GPR158: variants seen among roughly 807,000 people sequenced by gnomAD.
GPR158 encodes the protein G protein-coupled receptor 158, also known as metabotropic glycine receptor.
Under a neutral mutation model 78.2 loss-of-function variants are expected in GPR158, and 30 were observed. That is an observed-to-expected ratio of 0.38 (90% confidence interval 0.29 to 0.52). GPR158 has a LOEUF of 0.52. GPR158 is among the 20% of genes least tolerant of loss of function. The pLI, the probability that GPR158 is intolerant of heterozygous loss-of-function variation, is 0.83. For synonymous variants in GPR158, 581 were observed against 591.1 expected, an observed-to-expected ratio of 0.98 and a Z score of 0.25; for missense variants, 1,463 against 1,523.5, an observed-to-expected ratio of 0.96 and a Z score of 0.66.
chr10:25,404,473 G>A (rs1177481423), intron 3 of GPR158, among the ~76,000 whole-genome samples: 1 of 151,954 alleles, frequency 6.6e-6, no homozygotes, highest in Non-Finnish European at 1.5e-5. Flanking sequence ...TTTAACCAAC[G>A]ATTTATTTCC....
At chr10:25,378,196 C>T (rs559687815) in intron 2 of GPR158, among the ~76,000 whole-genome samples, 12 of 152,184 alleles carry the variant, frequency 7.9e-5, no homozygotes, top group East Asian at 1.9e-4. Context: ...GAGAATGATA[C>T]GAGCAAAATT....
intron 5 of GPR158, among the ~76,000 whole-genome samples, chr10:25,478,443 GACAGATGTGTAGAT>G (rs1487864538): frequency 6.6e-6 from 1 of 151,948 alleles, no homozygotes; most frequent in Non-Finnish European, 1.5e-5. Context: ...AATTATATGA[GACAGATGTGTAGAT>G]ACATATAGAA....
At chr10:25,351,635 A>C (rs1320723092) in intron 2 of GPR158, among the ~76,000 whole-genome samples, 1 of 149,948 alleles carries the variant, frequency 6.7e-6, no homozygotes, top group Non-Finnish European at 1.5e-5. Context: ...TTTTCATTTG[A>C]ATCAGTTACC....
chr10:25,566,214 TG>T (rs1836927336), intron 6 of GPR158, among the ~76,000 whole-genome samples: 1 of 152,176 alleles, frequency 6.6e-6, no homozygotes, highest in South Asian at 2.1e-4. Flanking sequence ...CTTTTAGTTT[TG>T]GGGGAAGGTA....
chr10:25,309,317 C>A (rs777210800), intron 2 of GPR158, among the ~76,000 whole-genome samples: 3 of 152,034 alleles, frequency 2.0e-5, no homozygotes, highest in Non-Finnish European at 2.9e-5. Flanking sequence ...TGATACTGAA[C>A]ATCTTTTCAT....
At chr10:25,187,326 TA>T (rs1852702828) in intron 1 of GPR158, among the ~76,000 whole-genome samples, 1 of 151,610 alleles carries the variant, frequency 6.6e-6, no homozygotes, top group East Asian at 1.9e-4. Flanking sequence ...AGAGACACAA[TA>T]AAAAAAGAGA....
In GPR158 at chr10:25,596,636, G is replaced by T. The variant is rs1208609796; in HGVS notation, c.1999-7G>T. 1 of 1,609,230 alleles carries T rather than the reference G, an allele frequency of 6.2e-7. No individual in the cohort carries two copies. Among genetic ancestry groups the T allele is most frequent in the East Asian group, 2.2e-5 (1 of 44,798 alleles). ...AATGTCTACTGCTCATACTGAATTT[G>T]TTTCAGTTTTCACATTCAAGCAATA... is the stretch of plus-strand genomic sequence containing the variant. On this transcript the variant is annotated splice_polypyrimidine_tract_variant and splice_region_variant and intron_variant, in intron 9 of 10. Transcript: ENST00000376351.
intron 6 of GPR158, among the ~76,000 whole-genome samples, chr10:25,553,918 T>C (rs192995822): frequency 3.3e-5 from 5 of 152,294 alleles, no homozygotes; most frequent in Admixed American, 2.0e-4. Context: ...TTTAAGATGG[T>C]AAAGTTGTAG....
At chr10:25,275,548 G>A (rs1010447785) in intron 2 of GPR158, among the ~76,000 whole-genome samples, 2 of 152,094 alleles carry the variant, frequency 1.3e-5, no homozygotes, top group East Asian at 1.9e-4. Context: ...AGAGAGATTT[G>A]GGGTGGTTTT....
At chr10:25,294,019 C>T (rs1359925543) in intron 2 of GPR158, among the ~76,000 whole-genome samples, 5 of 152,182 alleles carry the variant, frequency 3.3e-5, no homozygotes, top group African/African-American at 1.2e-4. Context: ...TGCGGGATTA[C>T]AGGCCTGAGC....
rs1389889915 is a variant in GPR158, at chr10:25,598,708, C to T, written c.3082C>T (p.His1028Tyr). Residue 1028 changes from histidine to tyrosine, a missense_variant, in exon 11 of 11, where the codon CAC becomes TAC. Transcript: ENST00000376351. Reference protein sequence around the residue: ...PVPSESKVQKHVSIVASEMEK... With the variant: ...PVPSESKVQKYVSIVASEMEK... ...GCCTTCAGAATCAAAAGTTCAAAAG[C>T]ACGTATCTATTGTGGCTTCTGAAAT... 6.2e-7 allele frequency: 1 copy of T among 1,613,958 alleles called. No homozygotes were observed. The highest frequency in any genetic ancestry group is 2.2e-5 in the East Asian group (1 of 44,840).
At chr10:25,296,773 A>G (rs1426421593) in intron 2 of GPR158, among the ~76,000 whole-genome samples, 1 of 152,226 alleles carries the variant, frequency 6.6e-6, no homozygotes, top group East Asian at 1.9e-4. Flanking sequence ...AGTTGAGGAA[A>G]GTGACACAGA....
intron 2 of GPR158, among the ~76,000 whole-genome samples, chr10:25,252,900 C>A (rs1426865378): frequency 6.6e-6 from 1 of 152,180 alleles, no homozygotes; most frequent in Non-Finnish European, 1.5e-5. Flanking sequence ...ATGGCGGGCG[C>A]CCCTCCCCCA....
chr10:25,218,367 A>C (rs1475680313), intron 1 of GPR158, among the ~76,000 whole-genome samples: 3 of 152,326 alleles, frequency 2.0e-5, no homozygotes, highest in South Asian at 2.1e-4. Flanking sequence ...GAAGGGCGAA[A>C]GCTTTCAGTC....
chr10:25,330,906 C>G (rs982289076), intron 2 of GPR158, among the ~76,000 whole-genome samples: 2 of 152,216 alleles, frequency 1.3e-5, no homozygotes, highest in African/African-American at 4.8e-5. Flanking sequence ...AAATAGTAAT[C>G]GAATAGTAAA....
In GPR158 at chr10:25,598,887, T is replaced by G; in HGVS notation, c.3261T>G (p.Leu1087=). The change falls in exon 11 of 11, where the codon CTT becomes CTG. Residue 1087 remains leucine (L), a synonymous_variant. Transcript: ENST00000376351. ...QGQSILEDEK[L]LISKTPVLPE... ...AGTCCATTTTGGAAGATGAGAAGCT[T>G]TTGATTTCCAAGACTCCAGTTCTCC... The G allele has an allele frequency of 6.2e-7, 1 of 1,613,988 alleles. No individual in the cohort carries two copies. Among genetic ancestry groups the G allele is most frequent in the Non-Finnish European group, 8.5e-7 (1 of 1,179,990 alleles).
intron 5 of GPR158, among the ~76,000 whole-genome samples, chr10:25,528,228 A>G (rs1346332884): frequency 1.3e-5 from 2 of 152,050 alleles, no homozygotes; most frequent in African/African-American, 4.8e-5. Context: ...AACCTGACCA[A>G]GATATAATTA....
chr10:25,430,885 G>A (rs940554710), intron 4 of GPR158, among the ~76,000 whole-genome samples: 28 of 151,704 alleles, frequency 1.8e-4, no homozygotes, highest in African/African-American at 2.7e-4. Context: ...AGACTTAACC[G>A]TTAGACCTAA....
At chr10:25,387,040 C>A (rs1008363263) in intron 2 of GPR158, among the ~76,000 whole-genome samples, 1 of 152,156 alleles carries the variant, frequency 6.6e-6, no homozygotes, top group African/African-American at 2.4e-5. Flanking sequence ...AGAAGGCTTT[C>A]ACACCTTGTA....
Sources: allele counts gnomAD v4.1 joint callset (sites outside exome capture counted in the v4.1 genomes callset), GRCh38; gene constraint gnomAD v4.1.1; transcripts MANE v1.5; gene names NCBI Gene and HGNC (gene_info 2026-07-23, HGNC 2026-07-21).